SEC63: variants seen among roughly 807,000 people sequenced by gnomAD.
SEC63 encodes SEC63 protein translocation regulator, also known as translocation protein SEC63 homolog.
SEC63 carries 56 observed loss-of-function variants against 116.2 expected under a neutral mutation model. The observed-to-expected ratio is 0.48, with a 90% confidence interval of 0.39 to 0.60. The LOEUF (loss-of-function observed/expected upper bound fraction) is 0.60. Ranked by LOEUF, SEC63 falls within the 20% of genes least tolerant of loss-of-function variation. SEC63 has a pLI of 0.00. For missense variants in SEC63, 668 were observed against 900.0 expected (o/e 0.74, Z 3.30); for synonymous variants, 273 against 294.6 (o/e 0.93, Z 0.75).
chr6:107,958,201 C>G lies in SEC63; in HGVS notation c.-192G>C, dbSNP rs1770758089. On this transcript the variant is annotated 5_prime_UTR_variant, in exon 1 of 21. Coordinates refer to ENST00000369002, the MANE Select transcript of SEC63 (RefSeq NM_007214.5). ...CGCTGCCGCCGCCGTCGCCAGCTCT[C>G]GCGAGAGGAGATAGTTCCCGCCCCG... 2.6e-6 allele frequency: 2 copies of G among 781,832 alleles called. No homozygotes were observed. Among genetic ancestry groups the G allele is most frequent in the Non-Finnish European group, 4.1e-6 (2 of 484,196 alleles). The allele number at this position is 781,832 out of a possible 1,614,324, so 48.4% of individuals were successfully genotyped here. A position where few individuals can be genotyped will look rare whatever the true frequency, so the allele number is the denominator to read the frequency against.
At chr6:107,930,683 C>G (rs1451484244) in intron 1 of SEC63, among the ~76,000 whole-genome samples, 1 of 151,796 alleles carries the variant, frequency 6.6e-6, no homozygotes, top group Non-Finnish European at 1.5e-5. Flanking sequence ...CTGGAAAAGT[C>G]TCCTAAACCC....
rs761165685 is a variant in SEC63, at chr6:107,902,883, A to G, written c.1170T>C (p.Ile390=). 6.8e-6 allele frequency: 11 copies of G among 1,613,996 alleles called. No homozygotes were observed. Among genetic ancestry groups the G allele is most frequent in the Non-Finnish European group, 7.6e-6 (9 of 1,179,898 alleles). The change falls in exon 12 of 21, where the codon ATT becomes ATC. Residue 390 remains isoleucine, a synonymous_variant. Coordinates refer to ENST00000369002, the MANE Select transcript of SEC63 (RefSeq NM_007214.5). ...AAACCCGTCTAAGATTGTCCTCTTC[A>G]ATATGAGGGAGCTGCAGAAGGGGAG... ...FKSPLLQLPH[I]EEDNLRRVSN... is the part of the protein sequence containing the mutation.
chr6:107,938,537 A>T (rs1406807735), intron 1 of SEC63, among the ~76,000 whole-genome samples: 2 of 149,928 alleles, frequency 1.3e-5, no homozygotes, highest in African/African-American at 5.0e-5. Flanking sequence ...GAGACACCAC[A>T]TCTGGCCCCA....
intron 10 of SEC63, among the ~76,000 whole-genome samples, chr6:107,905,711 A>C (rs139354423): frequency 1.6e-4 from 25 of 152,290 alleles, no homozygotes; most frequent in Middle Eastern, 3.4e-3. Flanking sequence ...GTTGTTGTGA[A>C]ATCCATTTTG....
At chr6:107,905,383 C>T (rs560876622) in intron 10 of SEC63, among the ~76,000 whole-genome samples, 14 of 152,248 alleles carry the variant, frequency 9.2e-5, no homozygotes, top group Admixed American at 2.6e-4. Flanking sequence ...AATTACTAAG[C>T]GTCACATGGC....
rs182164367 is a variant in SEC63, at chr6:107,942,455, C to T, written c.125-12941G>A. Among the ~76,000 whole-genome samples, 3 of 152,308 alleles carry T rather than the reference C, an allele frequency of 2.0e-5. No individual in the cohort carries two copies. The East Asian group carries it at 5.8e-4, about 29-fold the overall frequency. Reference sequence around the variant, plus strand: ...ATAAATATTTCTTGAGAATGATGAACTCCTTTATTTAACAAATATTTGGTG... The same window carrying T: ...ATAAATATTTCTTGAGAATGATGAATTCCTTTATTTAACAAATATTTGGTG... On this transcript the variant is annotated intron_variant, in intron 1 of 20. Coordinates refer to ENST00000369002, the MANE Select transcript of SEC63 (RefSeq NM_007214.5).
intron 6 of SEC63, 115 bp from the exon 7 acceptor site, chr6:107,911,511 A>C (rs530779095): frequency 3.1e-5 from 23 of 740,654 alleles, no homozygotes; most frequent in Admixed American, 6.1e-5. Context: ...TTCCTCATGT[A>C]TTATCTTGTT....
chr6:107,909,377 A>C (rs1447654730), intron 7 of SEC63, among the ~76,000 whole-genome samples: 4 of 137,190 alleles, frequency 2.9e-5, no homozygotes, highest in African/African-American at 1.2e-4. Flanking sequence ...ACTCTGTCTC[A>C]AAAAAAAAAA....
chr6:107,896,894 A>T (rs188939165), intron 14 of SEC63, among the ~76,000 whole-genome samples: 28 of 151,882 alleles, frequency 1.8e-4, no homozygotes, highest in Middle Eastern at 3.4e-3. Context: ...CAGGAGAATC[A>T]CTTGAACCCA....
At position 107,906,567 on chromosome 6, in the gene SEC63, A is replaced by G. The variant is rs1238924979; in HGVS notation, c.842T>C (p.Ile281Thr). The part of the protein sequence containing the change: ...NILIPQLIRE[I>T]GSINLKKNEP... ...ATTCTTCTTTAAATTAATGCTGCCAATTTCTCTGATTAGCTAGAATAAATA... is the reference window on the plus strand; with the variant it reads ...ATTCTTCTTTAAATTAATGCTGCCAGTTTCTCTGATTAGCTAGAATAAATA... Residue 281 changes from isoleucine (I) to threonine (T), a missense_variant, in exon 10 of 21, where the codon ATT becomes ACT. This residue lies in a region of SEC63 where 430 missense variants were observed against 557.5 expected (regional missense o/e 0.77). Coordinates refer to ENST00000369002, the MANE Select transcript of SEC63 (RefSeq NM_007214.5). 6 of 1,612,974 alleles carry G rather than the reference A, an allele frequency of 3.7e-6. No individual in the cohort carries two copies. The highest frequency in any genetic ancestry group is 1.7e-6 in the Non-Finnish European group (2 of 1,179,028).
At position 107,917,556 on chromosome 6, in the gene SEC63, C is replaced by T. The variant is rs562794944; in HGVS notation, c.453-4129G>A. ...GTCAAAAGCCAAAACAAGCCAAAAG[C>T]TAGGCCTCTTGTGCCAGACAGTCAA... is the stretch of plus-strand genomic sequence containing the variant. On this transcript the variant is annotated intron_variant, in intron 4 of 20. Coordinates refer to ENST00000369002, the MANE Select transcript of SEC63 (RefSeq NM_007214.5). 1.2e-3 allele frequency among the ~76,000 whole-genome samples: 177 copies of T among 152,320 alleles called. 1 individual carries two copies. Among genetic ancestry groups the T allele is most frequent in the Non-Finnish European group, 1.6e-3 (107 of 68,024 alleles).
chr6:107,906,356 A>T (rs1228157756), intron 10 of SEC63, 92 bp downstream of exon 10: 41 of 1,334,734 alleles, frequency 3.1e-5, no homozygotes, highest in Non-Finnish European at 4.4e-5. Flanking sequence ...CTTTAGAGCA[A>T]TGCGAGAACA....
At chr6:107,912,609 C>G in intron 6 of SEC63, 107 bp downstream of exon 6, 1 of 729,196 alleles carries the variant, frequency 1.4e-6, no homozygotes, top group Non-Finnish European at 2.5e-6. Flanking sequence ...ATGAATGGCA[C>G]ACCAGTATTT....
chr6:107,951,484 G>A (rs1455763371), intron 1 of SEC63, among the ~76,000 whole-genome samples: 3 of 152,112 alleles, frequency 2.0e-5, no homozygotes, highest in African/African-American at 7.2e-5. Context: ...TTAGCAAAGA[G>A]CACATAGCAA....
chr6:107,932,739 T>C (rs544928429), intron 1 of SEC63, among the ~76,000 whole-genome samples: 1 of 152,244 alleles, frequency 6.6e-6, no homozygotes, highest in African/African-American at 2.4e-5. Context: ...ACTCCCTAGC[T>C]CTATCTACTA....
At chr6:107,893,422 G>T (rs1012933926) in intron 16 of SEC63, 60 bp downstream of exon 16, 2 of 1,523,322 alleles carry the variant, frequency 1.3e-6, no homozygotes, top group Non-Finnish European at 1.8e-6. Flanking sequence ...CGTAAGACTT[G>T]AACATTTTAG....
intron 19 of SEC63, among the ~76,000 whole-genome samples, chr6:107,875,012 G>A (rs776080305): frequency 4.6e-5 from 7 of 151,996 alleles, no homozygotes; most frequent in Non-Finnish European, 8.8e-5. Context: ...CTATGGAGAA[G>A]GTCCTGGATT....
At chr6:107,943,097 T>C (rs9386686) in intron 1 of SEC63, among the ~76,000 whole-genome samples, 16,852 of 152,280 alleles carry the variant, frequency 0.11, 1,029 homozygotes, top group East Asian at 0.21. Context: ...TGGAATTTAC[T>C]GAAGAGACAA....
At chr6:107,957,770 C>T in intron 1 of SEC63, 116 bp downstream of exon 1, 4 of 1,157,746 alleles carry the variant, frequency 3.5e-6, no homozygotes, top group East Asian at 3.5e-5. Context: ...GGCCGGGCCG[C>T]ACCGTCCCTG....
Sources: gnomAD v4.1 joint callset for allele counts (sites outside exome capture counted in the v4.1 genomes callset) on GRCh38, gnomAD v4.1.1 for gene constraint, gnomAD v4.1.1 regional missense constraint, MANE v1.5 for transcripts, NCBI Gene and HGNC (gene_info 2026-07-23, HGNC 2026-07-21) for gene names.